C8orf34: variants seen among roughly 807,000 people sequenced by gnomAD.
The protein encoded by C8orf34 is chromosome 8 open reading frame 34.
In C8orf34, 65 loss-of-function variants were observed where a neutral mutation model predicts 68.3. The ratio of observed to expected loss-of-function variants is 0.95; its 90% confidence interval spans 0.78 to 1.17. The LOEUF is 1.17. Among genes scored for constraint, C8orf34 ranks in the 50% most tolerant of loss-of-function variants. C8orf34 has a pLI of 0.00. For missense variants in C8orf34, 664 were observed against 655.4 expected (o/e 1.01, Z -0.14); for synonymous variants, 244 against 241.2 (o/e 1.01, Z -0.11).
chr8:68,766,856 C>T (rs981719769), intron 10 of C8orf34, among the ~76,000 whole-genome samples: 1 of 152,080 alleles, frequency 6.6e-6, no homozygotes, highest in African/African-American at 2.4e-5. Context: ...GGGTTAATTA[C>T]TTAATATAAT....
intron 1 of C8orf34, among the ~76,000 whole-genome samples, chr8:68,368,884 T>C (rs569616851): frequency 6.6e-6 from 1 of 152,330 alleles, no homozygotes; most frequent in African/African-American, 2.4e-5. Context: ...TTAAGATTTT[T>C]TTCCCTCTAC....
intron 1 of C8orf34, among the ~76,000 whole-genome samples, chr8:68,374,256 T>A (rs145302296): frequency 1.7e-3 from 265 of 152,292 alleles, no homozygotes; most frequent in African/African-American, 6.3e-3. Context: ...GAATTTTTTT[T>A]AATGTGAAGC....
At chr8:68,633,299 G>C (rs938050863) in intron 7 of C8orf34, among the ~76,000 whole-genome samples, 4 of 152,106 alleles carry the variant, frequency 2.6e-5, no homozygotes, top group Admixed American at 6.6e-5. Context: ...AGTAAGAATA[G>C]GGCCAAGTGC....
intron 8 of C8orf34, among the ~76,000 whole-genome samples, chr8:68,643,057 C>T (rs919097870): frequency 6.6e-6 from 1 of 152,194 alleles, no homozygotes; most frequent in African/African-American, 2.4e-5. Flanking sequence ...CAGACCAGTA[C>T]CGGTTCATGG....
At chr8:68,603,335 G>A (rs1449387301) in intron 7 of C8orf34, among the ~76,000 whole-genome samples, 2 of 151,960 alleles carry the variant, frequency 1.3e-5, no homozygotes, top group Non-Finnish European at 2.9e-5. Flanking sequence ...CACTTGGCAA[G>A]GCTATTCCTC....
intron 1 of C8orf34, among the ~76,000 whole-genome samples, chr8:68,351,640 A>G (rs1806517448): frequency 6.6e-6 from 1 of 151,970 alleles, no homozygotes; most frequent in Admixed American, 6.6e-5. Flanking sequence ...ATACTTCTCA[A>G]AGGTTTTGTT....
chr8:68,800,851 A>G (rs1339575023), intron 12 of C8orf34, among the ~76,000 whole-genome samples: 1 of 152,198 alleles, frequency 6.6e-6, no homozygotes. Context: ...TCTGCTTTCT[A>G]CGTTCTTCGG....
At chr8:68,427,599 A>T (rs1454190740) in intron 1 of C8orf34, among the ~76,000 whole-genome samples, 1 of 152,068 alleles carries the variant, frequency 6.6e-6, no homozygotes, top group East Asian at 1.9e-4. Context: ...TTTGGATGAT[A>T]GTACAATTAA....
intron 8 of C8orf34, among the ~76,000 whole-genome samples, chr8:68,699,264 C>A (rs1335776003): frequency 6.6e-6 from 1 of 151,742 alleles, no homozygotes; most frequent in East Asian, 2.0e-4. Context: ...TAAAAGCAGG[C>A]TGAAAGCACA....
intron 1 of C8orf34, among the ~76,000 whole-genome samples, chr8:68,376,032 G>T (rs1308363112): frequency 6.6e-6 from 1 of 152,052 alleles, no homozygotes; most frequent in Non-Finnish European, 1.5e-5. Flanking sequence ...GTACTGAGAT[G>T]CTAAGGACAC....
intron 7 of C8orf34, among the ~76,000 whole-genome samples, chr8:68,549,715 A>G (rs980404819): frequency 2.0e-5 from 3 of 151,766 alleles, no homozygotes; most frequent in African/African-American, 7.2e-5. Context: ...TCTAATTATA[A>G]TAGTAGATTT....
At chr8:68,474,678 C>T (rs1230920139) in intron 4 of C8orf34, among the ~76,000 whole-genome samples, 3 of 152,164 alleles carry the variant, frequency 2.0e-5, no homozygotes, top group African/African-American at 7.2e-5. Flanking sequence ...ATGTGATGTT[C>T]TGGGAATGCA....
intron 10 of C8orf34, among the ~76,000 whole-genome samples, chr8:68,760,793 C>T (rs1823002726): frequency 6.6e-6 from 1 of 152,078 alleles, no homozygotes; most frequent in African/African-American, 2.4e-5. Context: ...TGGAAAATAT[C>T]TACCTGAGAT....
intron 8 of C8orf34, among the ~76,000 whole-genome samples, chr8:68,706,101 A>G (rs1157933429): frequency 6.6e-6 from 1 of 152,346 alleles, no homozygotes; most frequent in Non-Finnish European, 1.5e-5. Flanking sequence ...AAGAAAGACA[A>G]TCAAGAAGTT....
At chr8:68,717,258 G>A (rs975796903) in intron 9 of C8orf34, among the ~76,000 whole-genome samples, 2 of 152,090 alleles carry the variant, frequency 1.3e-5, no homozygotes, top group African/African-American at 4.8e-5. Flanking sequence ...GAAAACATAA[G>A]TGACAAAACT....
In C8orf34 at chr8:68,331,252, G is replaced by A. The variant is rs558544244; in HGVS notation, c.240G>A (p.Ser80=). Residue 80 remains serine (S), a synonymous_variant, in exon 1 of 14, where the codon TCG becomes TCA. Transcript: ENST00000518698. ...CGCGCGTTCTCCCTGCACTCTCTTC[G>A]CGGTCCCATCTGTTCCCCATGGCGT... The part of the protein sequence containing the change: ...AQPRVLPALS[S]RSHLFPMASH... 1.2e-5 allele frequency: 18 copies of A among 1,536,312 alleles called. No homozygotes were observed. The highest frequency in any genetic ancestry group is 4.8e-5 in the South Asian group (4 of 84,060).
chr8:68,360,083 G>T (rs1806919881), intron 1 of C8orf34, among the ~76,000 whole-genome samples: 1 of 152,150 alleles, frequency 6.6e-6, no homozygotes, highest in Admixed American at 6.5e-5. Flanking sequence ...CTTTGTTTCA[G>T]CTGTGGCTTA....
intron 12 of C8orf34, among the ~76,000 whole-genome samples, chr8:68,802,038 C>T (rs1824341829): frequency 6.6e-6 from 1 of 152,018 alleles, no homozygotes; most frequent in South Asian, 2.1e-4. Context: ...TATAAAGTGG[C>T]TTTAGCATTA....
At position 68,372,013 on chromosome 8, in the gene C8orf34, C is replaced by T. The variant is rs141092686; in HGVS notation, c.327+40674C>T. On this transcript the variant is annotated intron_variant, in intron 1 of 13. Coordinates refer to ENST00000518698, the MANE Select transcript of C8orf34 (RefSeq NM_052958.4). ...GAACTTCATCACAATCAAACACAGG[C>T]TATAATATTTTTAATGAAGAAGCCT... Among the ~76,000 whole-genome samples, 370 of 152,266 alleles carry T rather than the reference C, an allele frequency of 2.4e-3. 1 individual carries two copies. Among genetic ancestry groups the T allele is most frequent in the African/African-American group, 8.6e-3 (358 of 41,554 alleles).
Sources: gnomAD v4.1 joint callset for allele counts (sites outside exome capture counted in the v4.1 genomes callset) on GRCh38, gnomAD v4.1.1 for gene constraint, MANE v1.5 for transcripts, NCBI Gene and HGNC (gene_info 2026-07-23, HGNC 2026-07-21) for gene names.